Variants in FOCAD observed in about 807,000 individuals in gnomAD.
FOCAD encodes focadhesin, also known as KIAA1797.
Under a neutral mutation model 225.6 loss-of-function variants are expected in FOCAD, and 198 were observed. That is an observed-to-expected ratio of 0.88 (90% confidence interval 0.78 to 0.99). FOCAD has a LOEUF of 0.99. Among genes scored for constraint, FOCAD ranks in the 50% least tolerant of loss-of-function variants. FOCAD has a pLI of 0.00. For synonymous variants in FOCAD, 897 were observed against 755.0 expected, an observed-to-expected ratio of 1.19 and a Z score of -3.08; for missense variants, 2,713 against 2,123.6, an observed-to-expected ratio of 1.28 and a Z score of -5.46.
At chr9:20,769,729 G>A (rs1358405109) in intron 7 of FOCAD, among the ~76,000 whole-genome samples, 1 of 152,190 alleles carries the variant, frequency 6.6e-6, no homozygotes, top group Non-Finnish European at 1.5e-5. Context: ...TCAACATGTT[G>A]TCATTGTCAT....
Position 20,874,661 on chromosome 9 carries a change from C to A in FOCAD, c.2191-20C>A. On this transcript the variant is annotated intron_variant, in intron 18 of 43. Transcript: ENST00000338382. ...GTTTTATTATTATCCTCTCTATGATCTTTTCGCTTATCATTTCAGATAAGA... is the reference window on the plus strand; with the variant it reads ...GTTTTATTATTATCCTCTCTATGATATTTTCGCTTATCATTTCAGATAAGA... The A allele has an allele frequency of 6.2e-7, 1 of 1,610,506 alleles. No homozygotes were observed. The highest frequency in any genetic ancestry group is 8.5e-7 in the Non-Finnish European group (1 of 1,178,394).
At chr9:20,805,096 G>C (rs1822278680) in intron 11 of FOCAD, among the ~76,000 whole-genome samples, 1 of 152,176 alleles carries the variant, frequency 6.6e-6, no homozygotes, top group Admixed American at 6.6e-5. Context: ...CAGGGTGGTT[G>C]TGGTTTATGT....
intron 5 of FOCAD, among the ~76,000 whole-genome samples, chr9:20,750,267 G>A (rs967165845): frequency 6.6e-6 from 1 of 152,116 alleles, no homozygotes; most frequent in African/African-American, 2.4e-5. Flanking sequence ...ATTGTAGATA[G>A]GCATTTGGCA....
At chr9:20,897,011 C>T (rs1400613806) in intron 21 of FOCAD, 3 of 151,728 alleles carry the variant, frequency 2.0e-5, no homozygotes, top group Non-Finnish European at 4.4e-5. Flanking sequence ...TCTGGCTATA[C>T]GAGTGGATTA....
intron 15 of FOCAD, among the ~76,000 whole-genome samples, chr9:20,837,562 G>A (rs1361964650): frequency 6.6e-6 from 1 of 151,842 alleles, no homozygotes; most frequent in Non-Finnish European, 1.5e-5. Context: ...TTGGGAGGGG[G>A]GTTGGTAAAT....
chr9:20,855,292 A>G (rs1288396957), intron 15 of FOCAD, among the ~76,000 whole-genome samples: 1 of 151,752 alleles, frequency 6.6e-6, no homozygotes, highest in Non-Finnish European at 1.5e-5. Context: ...AATATGAATA[A>G]TAGTTATTAA....
intron 6 of FOCAD, among the ~76,000 whole-genome samples, chr9:20,760,558 C>G (rs944054944): frequency 3.3e-5 from 5 of 152,196 alleles, no homozygotes; most frequent in Admixed American, 6.5e-5. Context: ...ACTGTACTCT[C>G]TTGAATCTTA....
chr9:20,737,051 C>T (rs954991081), intron 4 of FOCAD, among the ~76,000 whole-genome samples: 1 of 151,832 alleles, frequency 6.6e-6, no homozygotes, highest in African/African-American at 2.4e-5. Flanking sequence ...TTGATTGATG[C>T]CATCATCTTT....
At chr9:20,991,235 T>C (rs1841644218) in intron 42 of FOCAD, among the ~76,000 whole-genome samples, 1 of 152,220 alleles carries the variant, frequency 6.6e-6, no homozygotes, top group Non-Finnish European at 1.5e-5. Flanking sequence ...TACTTCTCAT[T>C]ATATGTTTCT....
rs781174644 is a variant in FOCAD at position 20,770,253 on chromosome 9, A to G, written c.906+15A>G. 3.7e-6 allele frequency: 6 copies of G among 1,601,130 alleles called. No individual in the cohort carries two copies. The highest frequency in any genetic ancestry group is 2.2e-5 in the East Asian group (1 of 44,776). On this transcript the variant is annotated intron_variant, in intron 8 of 43. Transcript: ENST00000338382. ...TTCTGAAGGAGGTAAGGATAGTAGT[A>G]TATTATACTGTTCATGCATTGCTAT...
intron 3 of FOCAD, among the ~76,000 whole-genome samples, chr9:20,718,557 T>G (rs1825526380): frequency 6.6e-6 from 1 of 152,242 alleles, no homozygotes; most frequent in Non-Finnish European, 1.5e-5. Flanking sequence ...ACATTCTTTT[T>G]GATTAGCTGC....
intron 22 of FOCAD, among the ~76,000 whole-genome samples, chr9:20,908,006 T>C (rs1328879973): frequency 1.3e-5 from 2 of 152,110 alleles, no homozygotes; most frequent in African/African-American, 2.4e-5. Context: ...TACTAGGTGC[T>C]CACTAAATGA....
intron 35 of FOCAD, among the ~76,000 whole-genome samples, chr9:20,959,182 C>T (rs561253653): frequency 6.6e-6 from 1 of 152,254 alleles, no homozygotes; most frequent in South Asian, 2.1e-4. Context: ...GTCTTCACAT[C>T]CTCAACAGCA....
chr9:20,986,032 A>G (rs1196208372), intron 39 of FOCAD, among the ~76,000 whole-genome samples: 1 of 152,066 alleles, frequency 6.6e-6, no homozygotes, highest in Non-Finnish European at 1.5e-5. Flanking sequence ...TTGTTTGTGT[A>G]TATTTACTAT....
At chr9:20,872,687 C>T (rs559990327) in intron 18 of FOCAD, 1 of 151,788 alleles carries the variant, frequency 6.6e-6, no homozygotes, top group African/African-American at 2.4e-5. Context: ...TACAACTTAC[C>T]CTTTAAAGTA....
At chr9:20,861,525 A>G (rs183864339) in intron 15 of FOCAD, among the ~76,000 whole-genome samples, 67 of 152,364 alleles carry the variant, frequency 4.4e-4, no homozygotes, top group African/African-American at 1.6e-3. Context: ...CACAGGAAGT[A>G]TAAAGTAAGA....
chr9:20,707,116 A>G (rs1454202701), intron 1 of FOCAD, among the ~76,000 whole-genome samples: 1 of 152,230 alleles, frequency 6.6e-6, no homozygotes, highest in African/African-American at 2.4e-5. Context: ...AAAGAAGAGA[A>G]CAGATATTGG....
At chr9:20,907,293 A>G (rs1322715966) in intron 22 of FOCAD, 51 bp downstream of exon 22, 2 of 1,412,388 alleles carry the variant, frequency 1.4e-6, no homozygotes, top group South Asian at 1.2e-5. Context: ...TCCTTATCTC[A>G]TGTTTTGCTA....
intron 1 of FOCAD, among the ~76,000 whole-genome samples, chr9:20,707,439 T>A (rs1824483625): frequency 6.6e-6 from 1 of 152,170 alleles, no homozygotes; most frequent in Admixed American, 6.5e-5. Flanking sequence ...GGGGTGCCAA[T>A]CCCTCATGCA....
Sources: gnomAD v4.1 joint callset for allele counts (sites outside exome capture counted in the v4.1 genomes callset) on GRCh38, gnomAD v4.1.1 for gene constraint, MANE v1.5 for transcripts, NCBI Gene and HGNC (gene_info 2026-07-23, HGNC 2026-07-21) for gene names.